Variants in NAV1 observed in about 807,000 individuals in gnomAD.
NAV1 encodes neuron navigator 1.
In NAV1, 18 loss-of-function variants were observed where a neutral mutation model predicts 175.2. That is an observed-to-expected ratio of 0.10 (90% CI 0.07 to 0.15). The LOEUF is 0.15. NAV1 is among the 10% of genes least tolerant of loss of function. The probability of loss-of-function intolerance (pLI) is 1.00; values close to 1 mark genes in which losing one functional copy is unlikely to be tolerated. For missense variants in NAV1, 1,731 were observed against 2,436.6 expected (o/e 0.71, Z 6.10); for synonymous variants, 897 against 978.7 (o/e 0.92, Z 1.56).
chr1:201,574,827 A>G (rs1666648710), intron 1 of NAV1, among the ~76,000 whole-genome samples: 1 of 152,172 alleles, frequency 6.6e-6, no homozygotes, highest in Admixed American at 6.5e-5. Flanking sequence ...TCAGTGTCTC[A>G]GGTGGAAGGA....
intron 2 of NAV1, among the ~76,000 whole-genome samples, chr1:201,632,199 G>T (rs1668497951): frequency 1.3e-5 from 2 of 152,138 alleles, no homozygotes; most frequent in Admixed American, 1.3e-4. Context: ...TTGGACTCTG[G>T]GCATAGAGTC....
intron 1 of NAV1, among the ~76,000 whole-genome samples, chr1:201,699,769 G>A (rs895845459): frequency 1.3e-5 from 2 of 152,116 alleles, no homozygotes; most frequent in Non-Finnish European, 1.5e-5. Context: ...CAGAACAGAG[G>A]CCTCAAAAAT....
intron 22 of NAV1, 35 bp downstream of exon 26, chr1:201,809,572 T>G: frequency 6.3e-7 from 1 of 1,587,336 alleles, no homozygotes. Flanking sequence ...AGGTTGTTCA[T>G]CCTCTCGTGG....
chr1:201,562,866 A>G (rs1006348914), intron 1 of NAV1, among the ~76,000 whole-genome samples: 1 of 152,184 alleles, frequency 6.6e-6, no homozygotes, highest in African/African-American at 2.4e-5. Context: ...CCAGAAGTCC[A>G]ATACCTCAGT....
At chr1:201,803,253 A>G (rs774608076) in intron 15 of NAV1, among the ~76,000 whole-genome samples, 1 of 152,198 alleles carries the variant, frequency 6.6e-6, no homozygotes, top group African/African-American at 2.4e-5. Context: ...TAGAAAAATC[A>G]TGAAAAATGG....
chr1:201,641,193 T>C (rs1413226703), intron 2 of NAV1, among the ~76,000 whole-genome samples: 1 of 152,208 alleles, frequency 6.6e-6, no homozygotes, highest in Non-Finnish European at 1.5e-5. Context: ...GGTTCCTCTC[T>C]TTCCCACACA....
exon 1 of NAV1, chr1:201,622,930 G>A (rs1460179842): frequency 2.0e-6 from 2 of 986,270 alleles, no homozygotes; most frequent in African/African-American, 1.7e-5. Context: ...CCCTCACTAC[G>A]CCTCCGCCAT....
At chr1:201,641,174 G>A (rs1209654250) in intron 2 of NAV1, among the ~76,000 whole-genome samples, 1 of 152,132 alleles carries the variant, frequency 6.6e-6, no homozygotes, top group Non-Finnish European at 1.5e-5. Flanking sequence ...ATCCTTGGGG[G>A]ACATTCTTGG....
At chr1:201,768,185 TGTG>T (rs1675330957) in intron 3 of NAV1, among the ~76,000 whole-genome samples, 1 of 151,504 alleles carries the variant, frequency 6.6e-6, no homozygotes, top group Non-Finnish European at 1.5e-5. Flanking sequence ...ATTAGTCAGG[TGTG>T]GTGGTAATTA....
At chr1:201,784,969 C>T (rs561356739) in intron 7 of NAV1, among the ~76,000 whole-genome samples, 72 of 152,208 alleles carry the variant, frequency 4.7e-4, no homozygotes, top group African/African-American at 1.5e-3. Flanking sequence ...GAGGTTTCAC[C>T]GTGTTAGCCA....
At chr1:201,780,702 G>A (rs1676267681) in intron 4 of NAV1, 143 bp downstream of exon 8, 1 of 1,125,320 alleles carries the variant, frequency 8.9e-7, no homozygotes, top group Admixed American at 2.6e-5. Context: ...TTTTAGAGTT[G>A]CCCCCACCCC....
At chr1:201,820,001 C>T in exon 30 of NAV1, 3 of 1,419,064 alleles carry the variant, frequency 2.1e-6, no homozygotes, top group Non-Finnish European at 3.0e-6. Context: ...TCCTCCTCTC[C>T]CCTCTCCTCT....
At chr1:201,641,562 G>T (rs540833319) in intron 2 of NAV1, among the ~76,000 whole-genome samples, 1 of 152,258 alleles carries the variant, frequency 6.6e-6, no homozygotes, top group Admixed American at 6.5e-5. Flanking sequence ...AGGACAAAAA[G>T]AAGTGGGGAA....
intron 3 of NAV1, among the ~76,000 whole-genome samples, chr1:201,732,016 G>A (rs538109584): frequency 6.6e-6 from 1 of 152,306 alleles, no homozygotes; most frequent in East Asian, 1.9e-4. Flanking sequence ...CTTGCTCCCT[G>A]TGTGAGGTTC....
intron 3 of NAV1, among the ~76,000 whole-genome samples, chr1:201,749,428 C>G (rs1200736166): frequency 6.6e-6 from 1 of 152,208 alleles, no homozygotes; most frequent in Non-Finnish European, 1.5e-5. Context: ...AGATAGAGCA[C>G]AACCCTTGCA....
chr1:201,772,808 T>C (rs1306305004), intron 3 of NAV1, among the ~76,000 whole-genome samples: 2 of 151,686 alleles, frequency 1.3e-5, no homozygotes, highest in Non-Finnish European at 2.9e-5. Context: ...CCAAGGCGGG[T>C]GGATCACGAG....
intron 2 of NAV1, among the ~76,000 whole-genome samples, chr1:201,716,194 G>A (rs576018867): frequency 6.1e-4 from 93 of 152,238 alleles, no homozygotes; most frequent in African/African-American, 3.6e-4. Flanking sequence ...GGAGATCCCC[G>A]CCACCCTCTT....
chr1:201,809,212 T>G lies in NAV1; in HGVS notation c.4256T>G (p.Val1419Gly). Residue 1419 changes from valine to glycine, a missense_variant, in exon 21 of 30, where the codon GTG becomes GGG. Val to Gly is a moderately radical substitution (Grantham distance 109). Transcript: ENST00000367296. ...AGTACTTGTGGTCCAAAGGAGGAAG[T>G]GACCCTCCGGGTGGTGGTGAGGATG... The G allele has an allele frequency of 2.5e-6, 4 of 1,613,936 alleles. No homozygotes were observed. Among genetic ancestry groups the G allele is most frequent in the Non-Finnish European group, 3.4e-6 (4 of 1,179,866 alleles).
chr1:201,581,793 C>T (rs941939596), intron 1 of NAV1, among the ~76,000 whole-genome samples: 18 of 151,964 alleles, frequency 1.2e-4, no homozygotes, highest in African/African-American at 4.1e-4. Context: ...TGCACCACTA[C>T]ACTCGAGCCT....
Sources: allele counts gnomAD v4.1 joint callset (sites outside exome capture counted in the v4.1 genomes callset), GRCh38; gene constraint gnomAD v4.1.1; transcripts MANE v1.5; gene names NCBI Gene and HGNC (gene_info 2026-07-23, HGNC 2026-07-21).